The following HCN1 variants were observed in gnomAD, a reference collection of about 807,000 sequenced individuals.
HCN1 encodes hyperpolarization activated cyclic nucleotide gated potassium channel 1, also known as potassium/sodium hyperpolarization-activated cyclic nucleotide-gated channel 1.
In HCN1, 13 loss-of-function variants were observed where a neutral mutation model predicts 78.9. The ratio of observed to expected loss-of-function variants is 0.16; its 90% CI spans 0.11 to 0.26. HCN1 has a LOEUF of 0.26. HCN1 is among the 10% of genes least tolerant of loss of function. HCN1 has a pLI of 1.00. For missense variants in HCN1, 810 were observed against 1,154.3 expected, an observed-to-expected ratio of 0.70 and a Z score of 4.32; for synonymous variants, 552 against 455.5, an observed-to-expected ratio of 1.21 and a Z score of -2.70.
At chr5:45,370,198 T>A (rs185161342) in intron 4 of HCN1, among the ~76,000 whole-genome samples, 39 of 152,108 alleles carry the variant, frequency 2.6e-4, no homozygotes, top group Admixed American at 1.8e-3. Context: ...GACATAACTT[T>A]ATATAAAACT....
At chr5:45,442,675 C>A (rs1406591161) in intron 3 of HCN1, among the ~76,000 whole-genome samples, 1 of 150,726 alleles carries the variant, frequency 6.6e-6, no homozygotes, top group Non-Finnish European at 1.5e-5. Flanking sequence ...CTCTAGGTAT[C>A]ATTAGGCATA....
At chr5:45,382,407 T>A (rs1041678604) in intron 4 of HCN1, among the ~76,000 whole-genome samples, 2 of 152,200 alleles carry the variant, frequency 1.3e-5, no homozygotes, top group African/African-American at 4.8e-5. Flanking sequence ...GTACTGGATT[T>A]GATGACTGAA....
In HCN1 at chr5:45,260,148, T is replaced by C. The variant is rs1165122864; in HGVS notation, c.*1773A>G. 6.6e-6 allele frequency: 1 copy of C among 152,246 alleles called. No individual in the cohort carries two copies. The highest frequency in any genetic ancestry group is 1.5e-5 in the Non-Finnish European group (1 of 68,034). The allele number at this position is 152,246 out of a possible 1,614,324, so 9.4% of individuals were successfully genotyped here. ...TTTCTGCTTTTGTTTTTGTTTTCTG[T>C]CCTCAAGTCTATCTGCAGGCCCTGT... On this transcript the variant is annotated 3_prime_UTR_variant, in exon 8 of 8. Coordinates refer to ENST00000303230, the MANE Select transcript of HCN1 (RefSeq NM_021072.4).
chr5:45,424,264 G>A (rs564538413), intron 3 of HCN1, among the ~76,000 whole-genome samples: 1 of 151,986 alleles, frequency 6.6e-6, no homozygotes, highest in African/African-American at 2.4e-5. Flanking sequence ...CTGCATTCCA[G>A]CCTGGGTGAT....
rs1744731133 is a variant in HCN1 at position 45,261,276 on chromosome 5, T to C, written c.*645A>G. 1 of 152,668 alleles carries C rather than the reference T, an allele frequency of 6.6e-6. No homozygotes were observed. The highest frequency in any genetic ancestry group is 2.1e-4 in the South Asian group (1 of 4,830). The allele number at this position is 152,668 out of a possible 1,614,324, so 9.5% of individuals were successfully genotyped here. ...CATGAAGACAAATATTAATTTTCCCTCAGCTTTCTGAAAGATCAATGAACA... is the reference window on the plus strand; with the variant it reads ...CATGAAGACAAATATTAATTTTCCCCCAGCTTTCTGAAAGATCAATGAACA... On this transcript the variant is annotated 3_prime_UTR_variant, in exon 8 of 8. Transcript: ENST00000303230.
intron 6 of HCN1, among the ~76,000 whole-genome samples, chr5:45,271,250 T>C (rs1744953505): frequency 6.6e-6 from 1 of 152,044 alleles, no homozygotes; most frequent in Non-Finnish European, 1.5e-5. Flanking sequence ...TTGTAGTTTG[T>C]GGGATCAACA....
intron 2 of HCN1, among the ~76,000 whole-genome samples, chr5:45,498,936 C>A (rs977510021): frequency 7.9e-5 from 12 of 152,092 alleles, no homozygotes; most frequent in African/African-American, 2.9e-4. Context: ...GGCAGTCTGC[C>A]CATTCTCAGA....
chr5:45,674,473 T>C (rs1746224117), intron 1 of HCN1, among the ~76,000 whole-genome samples: 1 of 151,756 alleles, frequency 6.6e-6, no homozygotes, highest in East Asian at 1.9e-4. Flanking sequence ...GTTAAGCTTA[T>C]GTTATGAACT....
intron 3 of HCN1, among the ~76,000 whole-genome samples, chr5:45,452,386 G>T (rs1384447521): frequency 6.8e-6 from 1 of 147,950 alleles, no homozygotes; most frequent in Non-Finnish European, 1.5e-5. Flanking sequence ...CAGGAAAATT[G>T]CAAGTCACAG....
chr5:45,596,972 A>G (rs1744513870), intron 2 of HCN1, among the ~76,000 whole-genome samples: 1 of 152,216 alleles, frequency 6.6e-6, no homozygotes, highest in African/African-American at 2.4e-5. Context: ...ACCTTAAAAG[A>G]TAACGTTACC....
intron 3 of HCN1, among the ~76,000 whole-genome samples, chr5:45,444,780 CT>C (rs1260875419): frequency 3.3e-5 from 5 of 151,608 alleles, no homozygotes; most frequent in South Asian, 2.1e-4. Context: ...TTATTCTTTT[CT>C]TTTTTTCTTT....
intron 5 of HCN1, among the ~76,000 whole-genome samples, chr5:45,326,049 T>G (rs772074511): frequency 2.6e-5 from 4 of 151,696 alleles, no homozygotes; most frequent in Non-Finnish European, 5.9e-5. Context: ...TAACTCCCCT[T>G]TCATTAAGAT....
At chr5:45,500,389 C>A (rs564711786) in intron 2 of HCN1, among the ~76,000 whole-genome samples, 2 of 152,060 alleles carry the variant, frequency 1.3e-5, no homozygotes, top group Non-Finnish European at 2.9e-5. Context: ...GTTGAAATTA[C>A]AAAATATGGT....
In HCN1 at chr5:45,256,083, T is replaced by C. The variant is rs1744606485; in HGVS notation, c.*5838A>G. 6.6e-6 allele frequency: 1 copy of C among 152,076 alleles called. No homozygotes were observed. Among genetic ancestry groups the C allele is most frequent in the South Asian group, 2.1e-4 (1 of 4,832 alleles). The allele number at this position is 152,076 out of a possible 1,614,324, so 9.4% of individuals were successfully genotyped here. A position where few individuals can be genotyped will look rare whatever the true frequency, so the allele number is the denominator to read the frequency against. On this transcript the variant is annotated 3_prime_UTR_variant, in exon 8 of 8. Coordinates refer to ENST00000303230, the MANE Select transcript of HCN1 (RefSeq NM_021072.4). ...ACTGAAACAACTACATAGAAAAAAA[T>C]AGCAGGGCCGGGTGCGGTGGCTCAG...
intron 5 of HCN1, among the ~76,000 whole-genome samples, chr5:45,341,874 C>T (rs1395545159): frequency 6.6e-6 from 1 of 152,198 alleles, no homozygotes; most frequent in African/African-American, 2.4e-5. Context: ...CTCCCACTCA[C>T]TCTGCTCATC....
chr5:45,285,495 C>T (rs1192367006), intron 6 of HCN1, among the ~76,000 whole-genome samples: 1 of 151,892 alleles, frequency 6.6e-6, no homozygotes, highest in Admixed American at 6.6e-5. Context: ...ACTTTCGAAG[C>T]AATAAATCTC....
chr5:45,628,241 T>C (rs1745205675), intron 2 of HCN1, among the ~76,000 whole-genome samples: 1 of 152,176 alleles, frequency 6.6e-6, no homozygotes, highest in South Asian at 2.1e-4. Flanking sequence ...AGTGAACACA[T>C]TAGTGTCTCC....
chr5:45,515,071 A>C (rs1454589627), intron 2 of HCN1, among the ~76,000 whole-genome samples: 1 of 151,942 alleles, frequency 6.6e-6, no homozygotes, highest in Non-Finnish European at 1.5e-5. Flanking sequence ...ATGTATGCCT[A>C]CAAAACTTTT....
At chr5:45,348,674 A>G (rs1468048354) in intron 5 of HCN1, among the ~76,000 whole-genome samples, 1 of 152,198 alleles carries the variant, frequency 6.6e-6, no homozygotes, top group Non-Finnish European at 1.5e-5. Flanking sequence ...AGGATGGAGG[A>G]AGATCTACCA....
Sources: gnomAD v4.1 joint callset for allele counts (sites outside exome capture counted in the v4.1 genomes callset) on GRCh38, gnomAD v4.1.1 for gene constraint, MANE v1.5 for transcripts, NCBI Gene and HGNC (gene_info 2026-07-23, HGNC 2026-07-21) for gene names.